Variants in SH3GL3 observed in about 807,000 individuals in gnomAD.
The protein encoded by SH3GL3 is SH3 domain containing GRB2 like 3, endophilin A3.
A neutral mutation model predicts 47.7 loss-of-function variants in SH3GL3; 33 were observed. That is an observed-to-expected ratio of 0.69 (90% CI 0.52 to 0.92). The LOEUF (loss-of-function observed/expected upper bound fraction) is 0.92. Among genes scored for constraint, SH3GL3 ranks in the 40% least tolerant of loss-of-function variants. SH3GL3 has a pLI of 0.00. For synonymous variants in SH3GL3, 155 were observed against 148.8 expected (o/e 1.04, Z -0.30); for missense variants, 363 against 417.8 (o/e 0.87, Z 1.14).
At chr15:83,492,172 A>C (rs1259428394) in intron 1 of SH3GL3, among the ~76,000 whole-genome samples, 1 of 149,672 alleles carries the variant, frequency 6.7e-6, no homozygotes, top group African/African-American at 2.5e-5. Context: ...AATCCCAGCT[A>C]CTCGGGAGGC....
intron 2 of SH3GL3, among the ~76,000 whole-genome samples, chr15:83,561,071 A>G (rs2045245073): frequency 6.6e-6 from 1 of 152,184 alleles, no homozygotes; most frequent in South Asian, 2.1e-4. Flanking sequence ...AAAATAATAG[A>G]TTAAACTGAC....
chr15:83,469,351 C>T (rs571727941), intron 1 of SH3GL3, among the ~76,000 whole-genome samples: 38 of 152,074 alleles, frequency 2.5e-4, no homozygotes, highest in Non-Finnish European at 4.1e-4. Context: ...TTATTTTCTT[C>T]CTTCTGCTTC....
intron 1 of SH3GL3, among the ~76,000 whole-genome samples, chr15:83,534,187 C>T (rs995806706): frequency 2.6e-5 from 4 of 152,148 alleles, no homozygotes; most frequent in African/African-American, 7.2e-5. Flanking sequence ...TCATGTGCTC[C>T]CTCCTCCCTT....
chr15:83,564,939 A>G (rs1268677075), intron 2 of SH3GL3, among the ~76,000 whole-genome samples, 195 bp from the exon 3 acceptor site: 1 of 152,204 alleles, frequency 6.6e-6, no homozygotes, highest in African/African-American at 2.4e-5. Flanking sequence ...ACATCACTTG[A>G]AGGAAATGAT....
At chr15:83,526,467 C>T (rs751344904) in intron 1 of SH3GL3, among the ~76,000 whole-genome samples, 7 of 152,114 alleles carry the variant, frequency 4.6e-5, no homozygotes, top group East Asian at 1.9e-4. Context: ...ATACATACCA[C>T]GGAATACAAT....
chr15:83,560,184 C>T (rs115297103), intron 2 of SH3GL3, among the ~76,000 whole-genome samples: 19 of 152,270 alleles, frequency 1.2e-4, no homozygotes, highest in African/African-American at 4.6e-4. Context: ...AACATCAAGG[C>T]TGCAGATACA....
At position 83,568,683 on chromosome 15, in the gene SH3GL3, C is replaced by A; in HGVS notation, c.331+11C>A. On this transcript the variant is annotated intron_variant, in intron 4 of 8. Coordinates refer to ENST00000427482, the MANE Select transcript of SH3GL3 (RefSeq NM_003027.5). Reference sequence around the variant, plus strand: ...AAGACTCCACCTTTGGTGAGTTATTCAGAGATCAGCTGGGGGAGCTGAGAA... The same window carrying A: ...AAGACTCCACCTTTGGTGAGTTATTAAGAGATCAGCTGGGGGAGCTGAGAA... 6.2e-7 allele frequency: 1 copy of A among 1,610,334 alleles called. No homozygotes were observed. Among genetic ancestry groups the A allele is most frequent in the South Asian group, 1.1e-5 (1 of 90,918 alleles).
chr15:83,587,846 G>A (rs1447684827), intron 7 of SH3GL3, among the ~76,000 whole-genome samples: 1 of 152,130 alleles, frequency 6.6e-6, no homozygotes, highest in Non-Finnish European at 1.5e-5. Flanking sequence ...TTTTACACAG[G>A]ATTATGGTAA....
intron 8 of SH3GL3, among the ~76,000 whole-genome samples, chr15:83,617,503 C>G (rs970365978): frequency 2.0e-5 from 3 of 152,094 alleles, no homozygotes; most frequent in Admixed American, 2.0e-4. Flanking sequence ...ATGGTGAAAC[C>G]CCACCTGTAC....
chr15:83,515,072 A>AT (rs1449833335), intron 1 of SH3GL3, among the ~76,000 whole-genome samples: 1 of 152,072 alleles, frequency 6.6e-6, no homozygotes, highest in Admixed American at 6.5e-5. Context: ...CAGCCCCTTG[A>AT]TTTTAGCCCT....
chr15:83,538,416 A>G (rs920544216), intron 1 of SH3GL3, among the ~76,000 whole-genome samples: 3 of 152,256 alleles, frequency 2.0e-5, no homozygotes, highest in Non-Finnish European at 4.4e-5. Flanking sequence ...CCACAAGTGT[A>G]CAGTATGATG....
At chr15:83,577,494 A>G (rs746180142) in intron 6 of SH3GL3, among the ~76,000 whole-genome samples, 1 of 152,050 alleles carries the variant, frequency 6.6e-6, no homozygotes, top group Non-Finnish European at 1.5e-5. Context: ...TCGACCTCCC[A>G]GGCTCAAGCG....
At chr15:83,585,913 T>C (rs2059941909) in intron 6 of SH3GL3, among the ~76,000 whole-genome samples, 1 of 152,188 alleles carries the variant, frequency 6.6e-6, no homozygotes, top group African/African-American at 2.4e-5. Context: ...CAACTACAAA[T>C]GAAAGTAGCT....
At chr15:83,485,355 T>G (rs1262676993) in intron 1 of SH3GL3, among the ~76,000 whole-genome samples, 1 of 152,220 alleles carries the variant, frequency 6.6e-6, no homozygotes, top group Non-Finnish European at 1.5e-5. Flanking sequence ...TGGGGAAGAA[T>G]AATGAAAAAG....
At chr15:83,527,985 T>G (rs189505019) in intron 1 of SH3GL3, among the ~76,000 whole-genome samples, 2 of 152,322 alleles carry the variant, frequency 1.3e-5, no homozygotes, top group East Asian at 3.9e-4. Context: ...GCTGGACTAG[T>G]GGTGATGAAT....
intron 1 of SH3GL3, among the ~76,000 whole-genome samples, chr15:83,473,228 T>TG (rs1239770631): frequency 0.029 from 170 of 5,840 alleles, 2 homozygotes; most frequent in Non-Finnish European, 0.033. Flanking sequence ...CAAAGGTGGG[T>TG]GGGGGGGTGG....
At chr15:83,450,165 C>T (rs1306750220) in intron 1 of SH3GL3, among the ~76,000 whole-genome samples, 2 of 152,084 alleles carry the variant, frequency 1.3e-5, no homozygotes, top group East Asian at 1.9e-4. Flanking sequence ...AATTTAGAAG[C>T]TATGTTTCTG....
chr15:83,563,689 A>G (rs1418897755), intron 2 of SH3GL3, among the ~76,000 whole-genome samples: 2 of 151,702 alleles, frequency 1.3e-5, no homozygotes. Flanking sequence ...CCCAGGCTGG[A>G]GTGTAGTGGC....
intron 6 of SH3GL3, among the ~76,000 whole-genome samples, chr15:83,585,561 A>G (rs2059932742): frequency 6.6e-6 from 1 of 152,226 alleles, no homozygotes; most frequent in East Asian, 1.9e-4. Context: ...TTCTGTAACA[A>G]ATTCTACTAC....
Sources: allele counts gnomAD v4.1 joint callset (sites outside exome capture counted in the v4.1 genomes callset), GRCh38; gene constraint gnomAD v4.1.1; transcripts MANE v1.5; gene names NCBI Gene and HGNC (gene_info 2026-07-23, HGNC 2026-07-21).